LARP4B: variants seen among roughly 807,000 people sequenced by gnomAD.
LARP4B encodes La ribonucleoprotein 4B.
LARP4B carries 12 observed loss-of-function variants against 89.8 expected under a neutral mutation model. The ratio of observed to expected loss-of-function variants is 0.13; its 90% CI spans 0.09 to 0.22. The LOEUF (loss-of-function observed/expected upper bound fraction) is 0.22, where lower values mean the gene tolerates loss of function less well. LARP4B is among the 10% of genes least tolerant of loss of function. The probability of loss-of-function intolerance (pLI) is 1.00; values close to 1 mark genes in which losing one functional copy is unlikely to be tolerated. For missense variants in LARP4B, 757 were observed against 947.7 expected, an observed-to-expected ratio of 0.80 and a Z score of 2.64; for synonymous variants, 367 against 363.3, an observed-to-expected ratio of 1.01 and a Z score of -0.12.
At position 826,996 on chromosome 10, in the gene LARP4B, C is replaced by T. The variant is rs536345210; in HGVS notation, c.1126-1126G>A. Among the ~76,000 whole-genome samples, 9 of 152,268 alleles carry T rather than the reference C, an allele frequency of 5.9e-5. No homozygotes were observed. In the South Asian group the frequency reaches 1.4e-3, roughly 25 times the overall value. Reference sequence around the variant, plus strand: ...CTTTTTAAAATACATCACACATGGCCGGGCGCAGTGGCTCATGCCTATAAC... The same window carrying T: ...CTTTTTAAAATACATCACACATGGCTGGGCGCAGTGGCTCATGCCTATAAC... On this transcript the variant is annotated intron_variant, in intron 11 of 17. Coordinates refer to ENST00000316157, the MANE Select transcript of LARP4B (RefSeq NM_015155.3).
At chr10:886,201 A>G (rs566394847) in intron 1 of LARP4B, among the ~76,000 whole-genome samples, 4 of 152,358 alleles carry the variant, frequency 2.6e-5, no homozygotes, top group Non-Finnish European at 4.4e-5. Flanking sequence ...GAAAAATGGC[A>G]ATAGAAATAC....
At chr10:823,306 T>C (rs568095449) in intron 13 of LARP4B, among the ~76,000 whole-genome samples, 3 of 152,228 alleles carry the variant, frequency 2.0e-5, no homozygotes, top group African/African-American at 7.2e-5. Flanking sequence ...GGGAGGACAG[T>C]TGTCCTCCCT....
intron 1 of LARP4B, among the ~76,000 whole-genome samples, chr10:917,078 T>TA (rs1346837791): frequency 6.6e-6 from 1 of 152,202 alleles, no homozygotes; most frequent in Non-Finnish European, 1.5e-5. Flanking sequence ...AGAACTCTAA[T>TA]AAACTGTTGT....
At chr10:927,919 T>A (rs375742880) in intron 1 of LARP4B, among the ~76,000 whole-genome samples, 9 of 152,316 alleles carry the variant, frequency 5.9e-5, no homozygotes, top group African/African-American at 2.2e-4. Context: ...TATTTAAAAC[T>A]TGTACCTTTG....
intron 3 of LARP4B, among the ~76,000 whole-genome samples, chr10:874,344 T>G (rs1235446202): frequency 6.6e-6 from 1 of 152,212 alleles, no homozygotes; most frequent in Non-Finnish European, 1.5e-5. Flanking sequence ...TCTGCAGATG[T>G]CTGAGCACTC....
At chr10:924,787 A>T (rs1837090362) in intron 1 of LARP4B, among the ~76,000 whole-genome samples, 2 of 152,168 alleles carry the variant, frequency 1.3e-5, no homozygotes, top group Admixed American at 6.5e-5. Flanking sequence ...GCACTTTCTT[A>T]TTGGATTATG....
chr10:829,039 G>C (rs372206965), intron 11 of LARP4B, among the ~76,000 whole-genome samples: 4 of 152,238 alleles, frequency 2.6e-5, no homozygotes, highest in Non-Finnish European at 5.9e-5. Flanking sequence ...CTTGCTGTCA[G>C]AAGCCTATTA....
chr10:808,832 TCCAAGA>T (rs1392138241), downstream of LARP4B: 15 of 151,762 alleles, frequency 9.9e-5, no homozygotes, highest in Non-Finnish European at 7.4e-5. Flanking sequence ...CTTAAGCAAG[TCCAAGA>T]CACTCAACAA....
intron 1 of LARP4B, among the ~76,000 whole-genome samples, chr10:895,054 C>T (rs184721504): frequency 6.9e-4 from 105 of 152,192 alleles, no homozygotes; most frequent in African/African-American, 2.5e-3. Context: ...CGCATGGCGG[C>T]GTGTGCCTGT....
At chr10:984,376 T>G in the LARP4B span, among the ~76,000 whole-genome samples, 1 of 152,242 alleles carries the variant, frequency 6.6e-6, no homozygotes. Context: ...ATCACAAATC[T>G]TCTCTAGGAA....
At chr10:836,008 T>C (rs1588883692) in intron 8 of LARP4B, among the ~76,000 whole-genome samples, 1 of 152,286 alleles carries the variant, frequency 6.6e-6, no homozygotes, top group African/African-American at 2.4e-5. Flanking sequence ...CAGGCTGCAC[T>C]GGTGGCTCAG....
chr10:948,556 G>A, the LARP4B span, among the ~76,000 whole-genome samples: 154 of 152,332 alleles, frequency 1.0e-3, 1 homozygote, highest in East Asian at 0.027. Context: ...CTCAGTGGTC[G>A]CGTCTTGCAC....
At chr10:968,309 C>T in the LARP4B span, among the ~76,000 whole-genome samples, 1 of 151,236 alleles carries the variant, frequency 6.6e-6, no homozygotes, top group East Asian at 1.9e-4. Flanking sequence ...TGAGGTCAAA[C>T]TTTATAAATG....
the LARP4B span, among the ~76,000 whole-genome samples, chr10:941,759 CTTTT>C: frequency 1.3e-5 from 2 of 151,626 alleles, no homozygotes; most frequent in South Asian, 2.1e-4. Flanking sequence ...TATTTTTTGT[CTTTT>C]TTTGTTTGTT....
At chr10:888,283 C>T (rs1431173743) in intron 1 of LARP4B, among the ~76,000 whole-genome samples, 3 of 151,436 alleles carry the variant, frequency 2.0e-5, no homozygotes, top group Non-Finnish European at 4.4e-5. Context: ...GATCACACCA[C>T]GGCACTCCAG....
At chr10:817,595 A>T in intron 15 of LARP4B, 130 bp downstream of exon 15, 1 of 865,054 alleles carries the variant, frequency 1.2e-6, no homozygotes, top group Non-Finnish European at 1.8e-6. Context: ...TGACCTCTGC[A>T]ATCACGTGGC....
intron 8 of LARP4B, among the ~76,000 whole-genome samples, chr10:833,335 A>AGCCGTCCTGGGCGGCAT (rs1264766942): frequency 3.3e-5 from 5 of 151,384 alleles, no homozygotes; most frequent in South Asian, 4.2e-4. Context: ...CTGCATACAA[A>AGCCGTCCTGGGCGGCAT]GCCGTCCTGG....
intron 3 of LARP4B, among the ~76,000 whole-genome samples, chr10:878,803 C>G (rs1369802944): frequency 6.6e-6 from 1 of 152,162 alleles, no homozygotes; most frequent in Non-Finnish European, 1.5e-5. Flanking sequence ...ATTTATAAAT[C>G]TACTATTGAA....
intron 1 of LARP4B, among the ~76,000 whole-genome samples, chr10:899,610 C>T (rs1208452607): frequency 3.3e-5 from 5 of 152,302 alleles, no homozygotes; most frequent in African/African-American, 1.2e-4. Flanking sequence ...TGTCTAAGTA[C>T]TCCATTTCTT....
Sources: allele counts gnomAD v4.1 joint callset (sites outside exome capture counted in the v4.1 genomes callset), GRCh38; gene constraint gnomAD v4.1.1; transcripts MANE v1.5; gene names NCBI Gene and HGNC (gene_info 2026-07-23, HGNC 2026-07-21).